Variants in EHBP1 observed in about 807,000 individuals in gnomAD.
EHBP1 encodes the protein EH domain-binding protein 1.
Under a neutral mutation model 144.0 loss-of-function variants are expected in EHBP1, and 55 were observed. The observed-to-expected ratio is 0.38, with a 90% confidence interval of 0.31 to 0.48. The LOEUF is 0.48. EHBP1 is among the 20% of genes least tolerant of loss of function. The pLI is 0.98. For synonymous variants in EHBP1, 469 were observed against 472.7 expected, an observed-to-expected ratio of 0.99 and a Z score of 0.10; for missense variants, 1,200 against 1,364.2, an observed-to-expected ratio of 0.88 and a Z score of 1.90.
At position 62,888,299 on chromosome 2, in the gene EHBP1, A is replaced by G. The variant is rs553854658; in HGVS notation, c.1185+13767A>G. The stretch of plus-strand genomic sequence containing the variant: ...CAGGCCCTTGTAAACTCAAAGAACC[A>G]GTAACGCTAGCATCAAGAATACCCC... On this transcript the variant is annotated intron_variant, in intron 10 of 22. Coordinates refer to ENST00000431489, the MANE Select transcript of EHBP1 (RefSeq NM_001142616.3). 1.7e-4 allele frequency among the ~76,000 whole-genome samples: 26 copies of G among 152,352 alleles called. No individual in the cohort carries two copies. In the East Asian group the frequency reaches 4.6e-3, roughly 27 times the overall value.
intron 7 of EHBP1, among the ~76,000 whole-genome samples, chr2:62,839,368 A>C (rs576831693): frequency 7.3e-6 from 1 of 136,476 alleles, no homozygotes; most frequent in South Asian, 2.6e-4. Context: ...ATCTATGACA[A>C]ACCCACAGCC....
chr2:62,835,104 A>G (rs1308679360), intron 7 of EHBP1, among the ~76,000 whole-genome samples: 2 of 152,082 alleles, frequency 1.3e-5, no homozygotes, highest in South Asian at 2.1e-4. Flanking sequence ...ATTTGTAAAC[A>G]ATGGTTTTTT....
At chr2:62,981,365 A>T (rs951032846) in intron 15 of EHBP1, among the ~76,000 whole-genome samples, 1 of 152,202 alleles carries the variant, frequency 6.6e-6, no homozygotes, top group Non-Finnish European at 1.5e-5. Context: ...CTTATGCTCC[A>T]GATAGGCTTC....
intron 5 of EHBP1, among the ~76,000 whole-genome samples, chr2:62,809,805 T>C (rs1235190810): frequency 1.3e-5 from 2 of 152,232 alleles, no homozygotes; most frequent in Non-Finnish European, 2.9e-5. Flanking sequence ...TTCAGCTATA[T>C]CCATGATTTG....
At chr2:62,753,752 A>G (rs1157749619) in intron 3 of EHBP1, among the ~76,000 whole-genome samples, 6 of 152,102 alleles carry the variant, frequency 3.9e-5, no homozygotes, top group East Asian at 1.9e-4. Flanking sequence ...TTGACCTGCA[A>G]TCACTGATAC....
intron 14 of EHBP1, among the ~76,000 whole-genome samples, chr2:62,970,651 C>T (rs550799330): frequency 3.9e-5 from 6 of 152,130 alleles, no homozygotes; most frequent in African/African-American, 4.8e-5. Context: ...GTGACATTTG[C>T]GGCAAGTGTA....
At chr2:62,962,088 G>A (rs112855078) in intron 14 of EHBP1, among the ~76,000 whole-genome samples, 3,287 of 152,270 alleles carry the variant, frequency 0.022, 86 homozygotes, top group African/African-American at 0.066. Flanking sequence ...GCTTTGGGAG[G>A]CCAAGGTGAG....
At chr2:62,945,809 G>A (rs188280608) in intron 12 of EHBP1, among the ~76,000 whole-genome samples, 139 of 152,200 alleles carry the variant, frequency 9.1e-4, no homozygotes, top group South Asian at 6.2e-3. Flanking sequence ...AATGCTGGCC[G>A]TAGAGCAATA....
At chr2:62,896,120 TG>T (rs765764603) in intron 10 of EHBP1, among the ~76,000 whole-genome samples, 4 of 152,052 alleles carry the variant, frequency 2.6e-5, no homozygotes, top group Admixed American at 1.3e-4. Context: ...ATAAAAATCA[TG>T]GTAAATGCAT....
At chr2:62,789,490 T>A (rs1212297574) in intron 5 of EHBP1, among the ~76,000 whole-genome samples, 2 of 152,148 alleles carry the variant, frequency 1.3e-5, no homozygotes, top group African/African-American at 4.8e-5. Context: ...TTTCTGTTTC[T>A]GAGGACAGAA....
At chr2:62,860,585 T>C (rs1018966790) in intron 8 of EHBP1, among the ~76,000 whole-genome samples, 1 of 152,242 alleles carries the variant, frequency 6.6e-6, no homozygotes, top group Non-Finnish European at 1.5e-5. Context: ...GTTAAATTAT[T>C]TGACTTTAGG....
chr2:62,815,660 C>T (rs1220255158), intron 5 of EHBP1, among the ~76,000 whole-genome samples: 2 of 152,164 alleles, frequency 1.3e-5, no homozygotes, highest in Middle Eastern at 3.4e-3. Flanking sequence ...TTTATTGAAA[C>T]TGAGCAAAGT....
Position 63,032,739 on chromosome 2 carries a change from C to A in EHBP1, c.3104-4796C>A, listed in dbSNP as rs115194809. Among the ~76,000 whole-genome samples, 1,054 of 152,110 alleles carry A rather than the reference C, an allele frequency of 6.9e-3. 11 individuals are homozygous for A. Among genetic ancestry groups the A allele is most frequent in the African/African-American group, 0.023 (960 of 41,458 alleles). On this transcript the variant is annotated intron_variant, in intron 19 of 22. Coordinates refer to ENST00000431489, the MANE Select transcript of EHBP1 (RefSeq NM_001142616.3). ...GTCTGTGCCTCCTCCTGTAGAAAGT[C>A]CATGCACAGGGGTCTGTTAGAAGTC...
intron 5 of EHBP1, among the ~76,000 whole-genome samples, chr2:62,817,078 T>C (rs1379356315): frequency 6.6e-6 from 1 of 152,184 alleles, no homozygotes; most frequent in Non-Finnish European, 1.5e-5. Context: ...TTCAAAGTGT[T>C]GTAAGTCCTA....
In EHBP1 at chr2:62,782,997, A is replaced by T. The variant is rs147397345; in HGVS notation, c.312+11605A>T. Among the ~76,000 whole-genome samples, 744 of 152,312 alleles carry T rather than the reference A, an allele frequency of 4.9e-3. 2 individuals carry two copies. Among genetic ancestry groups the T allele is most frequent in the South Asian group, 0.018 (89 of 4,820 alleles). ...AGCAAGTTAGTTACTTCTCAGATACAATGGGGGTGTGGGCGTTGGGTAAAT... is the reference window on the plus strand; with the variant it reads ...AGCAAGTTAGTTACTTCTCAGATACTATGGGGGTGTGGGCGTTGGGTAAAT... On this transcript the variant is annotated intron_variant, in intron 5 of 22. Coordinates refer to ENST00000431489, the MANE Select transcript of EHBP1 (RefSeq NM_001142616.3).
intron 10 of EHBP1, among the ~76,000 whole-genome samples, chr2:62,892,917 T>C (rs1410945835): frequency 6.6e-6 from 1 of 152,144 alleles, no homozygotes; most frequent in African/African-American, 2.4e-5. Context: ...TAATTACTAG[T>C]ATTCCTTTTA....
rs1463349719 is a variant in EHBP1, at chr2:63,046,028, T to C, written c.*528T>C. The C allele has an allele frequency of 6.5e-6, 1 of 153,864 alleles. No homozygotes were observed. The highest frequency in any genetic ancestry group is 2.4e-5 in the African/African-American group (1 of 41,458). The allele number at this position is 153,864 out of a possible 1,614,324, so 9.5% of individuals were successfully genotyped here. Reference sequence around the variant, plus strand: ...ATCCAATCTACTTATTAAACTGTGTTCTATTTACCAGTGGAGTTTTTCTGC... The same window carrying C: ...ATCCAATCTACTTATTAAACTGTGTCCTATTTACCAGTGGAGTTTTTCTGC... On this transcript the variant is annotated 3_prime_UTR_variant, in exon 23 of 23. Coordinates refer to ENST00000431489, the MANE Select transcript of EHBP1 (RefSeq NM_001142616.3).
intron 5 of EHBP1, among the ~76,000 whole-genome samples, chr2:62,807,652 T>C (rs976996320): frequency 1.2e-4 from 19 of 152,246 alleles, no homozygotes; most frequent in African/African-American, 4.6e-4. Flanking sequence ...TGTTATTTTT[T>C]TCTTCTCTCT....
chr2:63,010,928 G>A (rs989045809), intron 19 of EHBP1, among the ~76,000 whole-genome samples: 1 of 151,498 alleles, frequency 6.6e-6, no homozygotes, highest in Non-Finnish European at 1.5e-5. Flanking sequence ...ACATTTCTTT[G>A]TACCAGTATG....
Sources: allele counts gnomAD v4.1 joint callset (sites outside exome capture counted in the v4.1 genomes callset), GRCh38; gene constraint gnomAD v4.1.1; transcripts MANE v1.5; gene names NCBI Gene and HGNC (gene_info 2026-07-23, HGNC 2026-07-21).